Variants in TUSC3 observed in about 807,000 individuals in gnomAD.
TUSC3 encodes the protein tumor suppressor candidate 3, also known as dolichyl-diphosphooligosaccharide--protein glycosyltransferase subunit TUSC3.
A neutral mutation model predicts 44.8 loss-of-function variants in TUSC3; 45 were observed. The observed-to-expected ratio is 1.00, with a 90% CI of 0.79 to 1.29. The LOEUF (loss-of-function observed/expected upper bound fraction) is 1.29, where lower values mean the gene tolerates loss of function less well. Among genes scored for constraint, TUSC3 ranks in the 50% most tolerant of loss-of-function variants. The probability of loss-of-function intolerance (pLI) is 0.00; values close to 1 mark genes in which losing one functional copy is unlikely to be tolerated. For missense variants in TUSC3, 519 were observed against 437.9 expected, an observed-to-expected ratio of 1.19 and a Z score of -1.65; for synonymous variants, 212 against 152.9, an observed-to-expected ratio of 1.39 and a Z score of -2.85.
At chr8:15,825,699 G>A in the TUSC3 span, among the ~76,000 whole-genome samples, 21,327 of 152,040 alleles carry the variant, frequency 0.14, 1,660 homozygotes, top group East Asian at 0.25. Flanking sequence ...GCCTTGAAGT[G>A]TTACGTATAA....
At chr8:15,432,151 C>A (rs531856444) in intron 1 of TUSC3, among the ~76,000 whole-genome samples, 1 of 152,062 alleles carries the variant, frequency 6.6e-6, no homozygotes, top group South Asian at 2.1e-4. Context: ...TGTTCCTCCT[C>A]CTCAATCATC....
intron 6 of TUSC3, among the ~76,000 whole-genome samples, chr8:15,675,039 A>G (rs1808122821): frequency 1.3e-5 from 2 of 151,766 alleles, no homozygotes; most frequent in South Asian, 4.2e-4. Context: ...TTTTTTCTCC[A>G]CAGTACTTGT....
chr8:15,565,021 T>A (rs1353521875), intron 1 of TUSC3, among the ~76,000 whole-genome samples: 1 of 152,172 alleles, frequency 6.6e-6, no homozygotes, highest in Non-Finnish European at 1.5e-5. Flanking sequence ...ATTGTTGCTG[T>A]AACAAATTAT....
chr8:15,727,951 T>C (rs1810565412), intron 6 of TUSC3, among the ~76,000 whole-genome samples: 1 of 152,176 alleles, frequency 6.6e-6, no homozygotes, highest in Admixed American at 6.5e-5. Flanking sequence ...AGATGGCAAA[T>C]TCAGGACTGT....
At chr8:15,425,414 A>G (rs984381888) in intron 1 of TUSC3, among the ~76,000 whole-genome samples, 1 of 152,228 alleles carries the variant, frequency 6.6e-6, no homozygotes, top group Non-Finnish European at 1.5e-5. Context: ...AAGAAGTGCC[A>G]TAATCCTATG....
chr8:15,449,892 C>T (rs894672968), intron 1 of TUSC3, among the ~76,000 whole-genome samples: 2 of 151,752 alleles, frequency 1.3e-5, no homozygotes, highest in African/African-American at 4.8e-5. Flanking sequence ...AAATATCTAC[C>T]ATTGTGTTAC....
At chr8:15,506,798 G>A (rs1421790926) in intron 2 of TUSC3, among the ~76,000 whole-genome samples, 3 of 152,214 alleles carry the variant, frequency 2.0e-5, no homozygotes, top group South Asian at 2.1e-4. Flanking sequence ...ATGAGATTTC[G>A]GTGGGTCAAA....
At chr8:15,564,292 C>G (rs1802585223) in intron 1 of TUSC3, among the ~76,000 whole-genome samples, 1 of 151,962 alleles carries the variant, frequency 6.6e-6, no homozygotes, top group South Asian at 2.1e-4. Flanking sequence ...GTTAACATTT[C>G]TCTAACAGCT....
intron 3 of TUSC3, 39 bp from the exon 4 acceptor site, chr8:15,659,468 A>T (rs549014001): frequency 6.2e-7 from 1 of 1,601,654 alleles, no homozygotes; most frequent in South Asian, 1.1e-5. Context: ...TAATGATAAG[A>T]TGATCCTATA....
chr8:15,573,925 C>T (rs75259402), intron 1 of TUSC3, among the ~76,000 whole-genome samples: 4,108 of 152,220 alleles, frequency 0.027, 208 homozygotes, highest in East Asian at 0.22. Flanking sequence ...AGAATATTAT[C>T]TTCTTCCCAG....
chr8:15,721,272 C>A (rs1810295997), intron 6 of TUSC3, among the ~76,000 whole-genome samples: 1 of 152,044 alleles, frequency 6.6e-6, no homozygotes, highest in Non-Finnish European at 1.5e-5. Flanking sequence ...TAATTCATTT[C>A]TTAGACAATC....
chr8:15,503,611 G>T (rs191790791), intron 2 of TUSC3, among the ~76,000 whole-genome samples: 1 of 152,060 alleles, frequency 6.6e-6, no homozygotes, highest in African/African-American at 2.4e-5. Flanking sequence ...GGCTAAGAAG[G>T]GGGGATTGCT....
intron 2 of TUSC3, among the ~76,000 whole-genome samples, chr8:15,634,965 C>T (rs1805997553): frequency 6.6e-6 from 1 of 152,274 alleles, no homozygotes; most frequent in African/African-American, 2.4e-5. Flanking sequence ...GTACACTCAG[C>T]CAAGTGGTCA....
chr8:15,605,692 G>C (rs912716018), intron 1 of TUSC3, among the ~76,000 whole-genome samples: 1 of 151,976 alleles, frequency 6.6e-6, no homozygotes, highest in South Asian at 2.1e-4. Flanking sequence ...AGTACCATAA[G>C]ATATACACAA....
At chr8:15,745,768 T>G (rs1023032630) in intron 8 of TUSC3, among the ~76,000 whole-genome samples, 1 of 151,988 alleles carries the variant, frequency 6.6e-6, no homozygotes, top group East Asian at 1.9e-4. Context: ...TCTTGTTGTT[T>G]TGCGGTGCAG....
intron 1 of TUSC3, among the ~76,000 whole-genome samples, chr8:15,445,896 C>T (rs533811089): frequency 2.7e-5 from 4 of 149,158 alleles, no homozygotes; most frequent in South Asian, 2.1e-4. Flanking sequence ...CCAGACGGGG[C>T]GGCCGGGCGG....
the TUSC3 span, among the ~76,000 whole-genome samples, chr8:15,780,892 C>G: frequency 6.6e-6 from 1 of 152,162 alleles, no homozygotes; most frequent in Non-Finnish European, 1.5e-5. Context: ...GGTATGCAAC[C>G]ATTTCCAAAG....
chr8:15,521,176 C>T (rs1388022343), intron 2 of TUSC3, among the ~76,000 whole-genome samples: 1 of 152,164 alleles, frequency 6.6e-6, no homozygotes, highest in African/African-American at 2.4e-5. Context: ...GGCTCTTTGC[C>T]TGCCGTTTAT....
chr8:15,777,110 AAAG>A, the TUSC3 span, among the ~76,000 whole-genome samples: 1 of 152,176 alleles, frequency 6.6e-6, no homozygotes, highest in Non-Finnish European at 1.5e-5. Context: ...AACAGGAAAC[AAAG>A]AAGACTTTTC....
Sources: gnomAD v4.1 joint callset for allele counts (sites outside exome capture counted in the v4.1 genomes callset) on GRCh38, gnomAD v4.1.1 for gene constraint, MANE v1.5 for transcripts, NCBI Gene and HGNC (gene_info 2026-07-23, HGNC 2026-07-21) for gene names.